The following CSMD1 variants were observed in gnomAD, a reference collection of about 807,000 sequenced individuals.
CSMD1 encodes CUB and sushi domain-containing protein 1.
CSMD1 carries 213 observed loss-of-function variants against 417.5 expected under a neutral mutation model. The ratio of observed to expected loss-of-function variants is 0.51; its 90% CI spans 0.46 to 0.57. The LOEUF is 0.57. CSMD1 is among the 20% of genes least tolerant of loss of function. The pLI, the probability that CSMD1 is intolerant of heterozygous loss-of-function variation, is 0.00. For missense variants in CSMD1, 6,923 were observed against 4,529.7 expected (o/e 1.53, Z -15.17); for synonymous variants, 2,862 against 1,736.8 (o/e 1.65, Z -16.11).
intron 5 of CSMD1, among the ~76,000 whole-genome samples, chr8:3,760,979 C>T (rs2623733): frequency 6.6e-6 from 1 of 151,916 alleles, no homozygotes; most frequent in African/African-American, 2.4e-5. Context: ...TTTGCATTTT[C>T]TGGACATGCA....
intron 5 of CSMD1, among the ~76,000 whole-genome samples, chr8:3,938,493 G>T (rs1237830617): frequency 6.6e-6 from 1 of 152,124 alleles, no homozygotes; most frequent in Non-Finnish European, 1.5e-5. Context: ...AGAGGATGGG[G>T]AGAAGGTTTC....
chr8:3,804,462 T>C (rs978301275), intron 5 of CSMD1, among the ~76,000 whole-genome samples: 1 of 152,160 alleles, frequency 6.6e-6, no homozygotes. Flanking sequence ...TGACTTACTA[T>C]AATGGACTAT....
chr8:4,783,954 A>C (rs1050953756), intron 1 of CSMD1, among the ~76,000 whole-genome samples: 1 of 152,242 alleles, frequency 6.6e-6, no homozygotes, highest in African/African-American at 2.4e-5. Context: ...AAAGAGCTTA[A>C]AAGTTCCCAC....
chr8:4,186,217 A>T (rs1376811978), intron 3 of CSMD1, among the ~76,000 whole-genome samples: 1 of 152,168 alleles, frequency 6.6e-6, no homozygotes, highest in Non-Finnish European at 1.5e-5. Flanking sequence ...CTGGAAGCTC[A>T]GGACGGCCAA....
chr8:3,225,824 G>C (rs1347211983), intron 27 of CSMD1, among the ~76,000 whole-genome samples: 1 of 152,186 alleles, frequency 6.6e-6, no homozygotes, highest in Admixed American at 6.5e-5. Context: ...CTTCAAGTTA[G>C]TTTGCTTAGG....
At chr8:4,451,668 G>A (rs1007906429) in intron 2 of CSMD1, among the ~76,000 whole-genome samples, 6 of 152,076 alleles carry the variant, frequency 3.9e-5, no homozygotes, top group Non-Finnish European at 8.8e-5. Context: ...AGTCAATTGA[G>A]TTCACTGATG....
At chr8:2,973,444 A>G (rs2128933782) in intron 56 of CSMD1, 145 bp from the exon 57 acceptor site, 1 of 823,996 alleles carries the variant, frequency 1.2e-6, no homozygotes, top group East Asian at 2.5e-5. Context: ...ATCTTGTAAG[A>G]AAGAATTTCT....
chr8:3,026,300 G>C (rs1809874580), intron 51 of CSMD1, among the ~76,000 whole-genome samples: 1 of 151,788 alleles, frequency 6.6e-6, no homozygotes, highest in East Asian at 2.0e-4. Flanking sequence ...CTGCCCAGGA[G>C]CCAGGTTTGG....
At chr8:4,340,775 T>C (rs1010553395) in intron 3 of CSMD1, among the ~76,000 whole-genome samples, 5 of 152,108 alleles carry the variant, frequency 3.3e-5, no homozygotes, top group Non-Finnish European at 5.9e-5. Context: ...TCAAGCAAAC[T>C]CATAATGGTT....
At chr8:4,091,607 T>G (rs774293357) in intron 3 of CSMD1, among the ~76,000 whole-genome samples, 1 of 152,286 alleles carries the variant, frequency 6.6e-6, no homozygotes, top group Middle Eastern at 3.4e-3. Context: ...ACACCTCACA[T>G]AGAGTAGCAA....
chr8:4,949,462 C>A (rs1433100288), intron 1 of CSMD1, among the ~76,000 whole-genome samples: 1 of 152,074 alleles, frequency 6.6e-6, no homozygotes, highest in African/African-American at 2.4e-5. Context: ...AATATTCAAC[C>A]ACTGCCTCAT....
At chr8:3,027,941 C>T (rs533871180) in intron 51 of CSMD1, among the ~76,000 whole-genome samples, 32 of 152,212 alleles carry the variant, frequency 2.1e-4, no homozygotes, top group Non-Finnish European at 4.0e-4. Flanking sequence ...AGGCTCTCCA[C>T]TGTACGTGAA....
intron 16 of CSMD1, among the ~76,000 whole-genome samples, chr8:3,397,354 G>A (rs1187153883): frequency 6.6e-6 from 1 of 152,152 alleles, no homozygotes; most frequent in Non-Finnish European, 1.5e-5. Context: ...GCCTCATGGC[G>A]TGTAGCAACA....
chr8:3,528,174 C>T (rs531268338), intron 10 of CSMD1, among the ~76,000 whole-genome samples: 1 of 152,278 alleles, frequency 6.6e-6, no homozygotes, highest in Non-Finnish European at 1.5e-5. Flanking sequence ...GTTAACTCCC[C>T]TGGTAGAATC....
At chr8:3,481,023 G>A (rs753119087) in intron 11 of CSMD1, among the ~76,000 whole-genome samples, 7 of 151,624 alleles carry the variant, frequency 4.6e-5, no homozygotes, top group Admixed American at 6.6e-5. Flanking sequence ...AGGCGTGGTG[G>A]CAGGCACCTG....
At chr8:3,977,036 G>C (rs758217402) in intron 5 of CSMD1, among the ~76,000 whole-genome samples, 9 of 152,182 alleles carry the variant, frequency 5.9e-5, no homozygotes, top group Non-Finnish European at 1.3e-4. Flanking sequence ...GGGTGAGACG[G>C]GATTACAACC....
At chr8:4,453,168 C>A (rs546838329) in intron 2 of CSMD1, among the ~76,000 whole-genome samples, 2 of 151,468 alleles carry the variant, frequency 1.3e-5, no homozygotes, top group African/African-American at 2.4e-5. Flanking sequence ...CAAGCCCGTT[C>A]CCCCCTCCAT....
In CSMD1 at chr8:2,998,450, T is replaced by C. The variant is rs17079024; in HGVS notation, c.8204-266A>G. ...TCTTTACCATCATAATTATTATTTC[T>C]CTCTTGAATCATGACAGAATACCAA... On this transcript the variant is annotated intron_variant, in intron 53 of 69. Coordinates refer to ENST00000635120, the MANE Select transcript of CSMD1 (RefSeq NM_033225.6). Among the ~76,000 whole-genome samples, 1,327 of 152,278 alleles carry C rather than the reference T, an allele frequency of 8.7e-3. 16 individuals are homozygous for C. The highest frequency in any genetic ancestry group is 0.017 in the Middle Eastern group (5 of 294).
At chr8:3,150,967 T>A (rs934660897) in intron 40 of CSMD1, among the ~76,000 whole-genome samples, 1 of 152,160 alleles carries the variant, frequency 6.6e-6, no homozygotes, top group African/African-American at 2.4e-5. Context: ...CAAAAATGTA[T>A]AAAACAATAC....
Sources: gnomAD v4.1 joint callset for allele counts (sites outside exome capture counted in the v4.1 genomes callset) on GRCh38, gnomAD v4.1.1 for gene constraint, MANE v1.5 for transcripts, NCBI Gene and HGNC (gene_info 2026-07-23, HGNC 2026-07-21) for gene names.